Variants in SDK1 observed in about 807,000 individuals in gnomAD.
The protein encoded by SDK1 is sidekick cell adhesion molecule 1, also known as protein sidekick-1.
SDK1 carries 157 observed loss-of-function variants against 245.5 expected under a neutral mutation model. That is an observed-to-expected ratio of 0.64 (90% CI 0.56 to 0.73). The LOEUF (loss-of-function observed/expected upper bound fraction) is 0.73. Ranked by LOEUF, SDK1 falls within the 30% of genes least tolerant of loss-of-function variation. The pLI is 0.00. For synonymous variants in SDK1, 1,647 were observed against 1,278.5 expected (o/e 1.29, Z -6.15); for missense variants, 3,583 against 3,002.3 (o/e 1.19, Z -4.52).
chr7:3,742,851 G>A (rs1410881484), intron 4 of SDK1, among the ~76,000 whole-genome samples: 2 of 152,132 alleles, frequency 1.3e-5, no homozygotes, highest in Non-Finnish European at 2.9e-5. Flanking sequence ...ATCGGTTATT[G>A]GAAAAGAAAC....
At chr7:4,034,756 G>A (rs1369231508) in intron 17 of SDK1, among the ~76,000 whole-genome samples, 1 of 152,130 alleles carries the variant, frequency 6.6e-6, no homozygotes, top group Admixed American at 6.5e-5. Flanking sequence ...TATAGCAAAA[G>A]ACTGGAATCT....
At chr7:3,949,196 G>T (rs1049391380) in intron 5 of SDK1, among the ~76,000 whole-genome samples, 2 of 152,216 alleles carry the variant, frequency 1.3e-5, no homozygotes, top group African/African-American at 4.8e-5. Context: ...GGGGAAGGCT[G>T]CCTCAGCCCC....
At chr7:3,370,292 C>T (rs1007327764) in intron 1 of SDK1, among the ~76,000 whole-genome samples, 2 of 152,170 alleles carry the variant, frequency 1.3e-5, no homozygotes, top group Admixed American at 1.3e-4. Flanking sequence ...GGCTCTTTCT[C>T]TTCAGTACAG....
intron 1 of SDK1, among the ~76,000 whole-genome samples, chr7:3,346,726 CAT>C (rs10636475): frequency 1.0e-4 from 12 of 114,572 alleles, no homozygotes; most frequent in Non-Finnish European, 1.7e-4. Context: ...TATATGTATA[CAT>C]ATATATATAC....
intron 2 of SDK1, among the ~76,000 whole-genome samples, chr7:3,635,548 C>T (rs1327909430): frequency 2.0e-5 from 3 of 152,058 alleles, no homozygotes; most frequent in South Asian, 2.1e-4. Flanking sequence ...GTCTTTTACT[C>T]GATTTTGAAA....
intron 35 of SDK1, among the ~76,000 whole-genome samples, chr7:4,204,680 C>T (rs1253072372): frequency 6.6e-6 from 1 of 152,186 alleles, no homozygotes; most frequent in Non-Finnish European, 1.5e-5. Context: ...CAAAAGGCTG[C>T]ACTCCTGGGC....
At chr7:3,968,959 C>T (rs186430886) in intron 10 of SDK1, among the ~76,000 whole-genome samples, 5 of 152,104 alleles carry the variant, frequency 3.3e-5, no homozygotes, top group African/African-American at 1.2e-4. Context: ...AGGAAGCAGG[C>T]GCATCTCACA....
Position 3,949,525 on chromosome 7 carries a change from G to C in SDK1, c.848-1398G>C, listed in dbSNP as rs138416280. On this transcript the variant is annotated intron_variant, in intron 5 of 44. Coordinates refer to ENST00000404826, the MANE Select transcript of SDK1 (RefSeq NM_152744.4). The stretch of plus-strand genomic sequence containing the variant: ...CCGCTGCCGCTCACGATGGTGGCGA[G>C]TCCCTTCAGCGTGAAGCCCAGATGA... Among the ~76,000 whole-genome samples, 1,303 of 152,308 alleles carry C rather than the reference G, an allele frequency of 8.6e-3. 22 individuals are homozygous for C. Among genetic ancestry groups the C allele is most frequent in the African/African-American group, 0.03 (1,248 of 41,566 alleles).
At chr7:3,852,706 G>A (rs557599153) in intron 5 of SDK1, among the ~76,000 whole-genome samples, 12 of 132,936 alleles carry the variant, frequency 9.0e-5, no homozygotes, top group African/African-American at 2.4e-4. Context: ...AGCCGAGATC[G>A]CGCCACTGCA....
intron 1 of SDK1, among the ~76,000 whole-genome samples, chr7:3,460,992 C>T (rs1322429155): frequency 6.6e-6 from 1 of 152,096 alleles, no homozygotes; most frequent in Non-Finnish European, 1.5e-5. Flanking sequence ...AACTTGAGGA[C>T]CATACATATC....
chr7:3,961,813 A>G (rs1781703783), intron 8 of SDK1, among the ~76,000 whole-genome samples: 1 of 152,214 alleles, frequency 6.6e-6, no homozygotes, highest in African/African-American at 2.4e-5. Context: ...TGAGTTTTAT[A>G]AATACATATG....
At position 3,847,133 on chromosome 7, in the gene SDK1, C is replaced by G. The variant is rs536579606; in HGVS notation, c.847+25550C>G. ...GCCTCCAGCTCTTCTCTGTTCATGC[C>G]TCTCACGTACACCTGAAACCTCCAA... On this transcript the variant is annotated intron_variant, in intron 5 of 44. Coordinates refer to ENST00000404826, the MANE Select transcript of SDK1 (RefSeq NM_152744.4). Among the ~76,000 whole-genome samples, 9 of 152,120 alleles carry G rather than the reference C, an allele frequency of 5.9e-5. No individual in the cohort carries two copies. The East Asian group carries it at 1.6e-3, about 26-fold the overall frequency.
chr7:4,225,670 C>T (rs1028899813), intron 40 of SDK1, among the ~76,000 whole-genome samples: 1 of 152,102 alleles, frequency 6.6e-6, no homozygotes, highest in Non-Finnish European at 1.5e-5. Flanking sequence ...GGCGTGTCGG[C>T]GAGGGCTTCA....
chr7:3,318,912 G>A (rs781751787), intron 1 of SDK1, among the ~76,000 whole-genome samples: 20 of 152,158 alleles, frequency 1.3e-4, no homozygotes, highest in Non-Finnish European at 2.4e-4. Context: ...AGCTGGGATA[G>A]AACTGAGATT....
At chr7:4,264,075 G>A (rs1309233003) in intron 44 of SDK1, among the ~76,000 whole-genome samples, 3 of 69,952 alleles carry the variant, frequency 4.3e-5, no homozygotes, top group Non-Finnish European at 8.0e-5. Context: ...GGGAGGCCGC[G>A]TAGACCTCTC....
chr7:3,722,494 G>C (rs1033724241), intron 4 of SDK1, among the ~76,000 whole-genome samples: 4 of 152,162 alleles, frequency 2.6e-5, no homozygotes, highest in African/African-American at 9.7e-5. Context: ...CAGGGGGAAA[G>C]CAGGCAGGAG....
chr7:3,395,826 A>G (rs1781882429), intron 1 of SDK1, among the ~76,000 whole-genome samples: 1 of 151,728 alleles, frequency 6.6e-6, no homozygotes, highest in Admixed American at 6.6e-5. Flanking sequence ...GTCAGTGGTA[A>G]TCATCTCTCT....
chr7:3,307,243 A>T (rs7792929), intron 1 of SDK1, among the ~76,000 whole-genome samples: 22,632 of 151,552 alleles, frequency 0.15, 2,605 homozygotes, highest in African/African-American at 0.32. Flanking sequence ...TCTTTTTTTT[A>T]AAAAAAGGGC....
intron 5 of SDK1, among the ~76,000 whole-genome samples, chr7:3,935,136 C>A (rs546997530): frequency 6.6e-6 from 1 of 152,294 alleles, no homozygotes; most frequent in East Asian, 1.9e-4. Context: ...GCAAAAAGCC[C>A]TGGGCCTGTT....
Sources: gnomAD v4.1 joint callset for allele counts (sites outside exome capture counted in the v4.1 genomes callset) on GRCh38, gnomAD v4.1.1 for gene constraint, MANE v1.5 for transcripts, NCBI Gene and HGNC (gene_info 2026-07-23, HGNC 2026-07-21) for gene names.